FBLN2: variants seen among roughly 807,000 people sequenced by gnomAD.
The protein encoded by FBLN2 is fibulin-2.
Under a neutral mutation model 123.7 loss-of-function variants are expected in FBLN2, and 81 were observed. That is an observed-to-expected ratio of 0.65 (90% confidence interval 0.55 to 0.79). The LOEUF (loss-of-function observed/expected upper bound fraction) is 0.79. Among genes scored for constraint, FBLN2 ranks in the 30% least tolerant of loss-of-function variants. FBLN2 has a pLI of 0.00. For missense variants in FBLN2, 1,603 were observed against 1,681.3 expected (o/e 0.95, Z 0.81); for synonymous variants, 699 against 701.4 (o/e 1.00, Z 0.05).
At position 13,609,517 on chromosome 3, in the gene FBLN2, G is replaced by A; in HGVS notation, c.1423G>A (p.Ala475Thr). ...AAGTTACCCCCTCTGTTTCAGGACAGCCCAGAGGCACTGCTGTGTCTCCTA... is the reference window on the plus strand; with the variant it reads ...AAGTTACCCCCTCTGTTTCAGGACAACCCAGAGGCACTGCTGTGTCTCCTA... ...SGTEDNVCRT[A>T]QRHCCVSYLQ... Residue 475 changes from alanine to threonine, a missense_variant, in exon 4 of 18, where the codon GCC (alanine) becomes ACC (threonine). Transcript: ENST00000404922. The A allele has an allele frequency of 6.5e-7, 1 of 1,549,444 alleles. No homozygotes were observed. The highest frequency in any genetic ancestry group is 1.2e-5 in the South Asian group (1 of 83,730).
chr3:13,588,699 GA>G (rs1438890928), intron 2 of FBLN2, among the ~76,000 whole-genome samples: 1 of 152,042 alleles, frequency 6.6e-6, no homozygotes, highest in African/African-American at 2.4e-5. Context: ...ACTTCTAAGA[GA>G]AAAAAAGATC....
chr3:13,628,072 C>G, intron 11 of FBLN2, 103 bp downstream of exon 11: 1 of 1,392,110 alleles, frequency 7.2e-7, no homozygotes. Context: ...TGGCTTGCTG[C>G]TCCATTCCTC....
rs746171888 is a variant in FBLN2 at position 13,630,795 on chromosome 3, A to G, written c.3065A>G (p.Glu1022Gly). The change falls in exon 15 of 18, where the codon GAG (glutamate) becomes GGG (glycine). Residue 1022 changes from glutamate (E) to glycine (G), a missense_variant. Transcript: ENST00000404922. ...TGCCGCCAGGGCTACCAGCTGGCTG[A>G]GGATGGGCACACCTGCACAGGTACC... ...CYCRQGYQLAEDGHTCTDIDE... is the reference protein window; with the variant it reads ...CYCRQGYQLAGDGHTCTDIDE... 7 of 1,605,648 alleles carry G rather than the reference A, an allele frequency of 4.4e-6. No individual in the cohort carries two copies. The highest frequency in any genetic ancestry group is 6.0e-6 in the Non-Finnish European group (7 of 1,176,306).
Position 13,636,582 on chromosome 3 carries a change from C to CCCCAGT in FBLN2, c.3338+26_3338+31dup. The CCCCAGT allele has an allele frequency of 6.2e-7, 1 of 1,612,098 alleles. No homozygotes were observed. Among genetic ancestry groups the CCCCAGT allele is most frequent in the Non-Finnish European group, 8.5e-7 (1 of 1,179,074 alleles). On this transcript the variant is annotated intron_variant, in intron 17 of 17. Coordinates refer to ENST00000404922, the MANE Select transcript of FBLN2 (RefSeq NM_001004019.2). ...AGTCTCCAAAACGTGAGTGTCCCCA[C>CCCCAGT]CCCAGTCCCAGTCCCAGGGAGCCTG...
chr3:13,579,490 C>T (rs1287429560), intron 2 of FBLN2, among the ~76,000 whole-genome samples: 5 of 152,242 alleles, frequency 3.3e-5, no homozygotes, highest in East Asian at 1.9e-4. Flanking sequence ...AACCACTGGT[C>T]AGTGCAACTA....
intron 2 of FBLN2, among the ~76,000 whole-genome samples, chr3:13,604,682 T>C (rs1705146370): frequency 6.6e-6 from 1 of 152,242 alleles, no homozygotes. Context: ...GTGGGGGATG[T>C]GTCTAATGTT....
rs150370011 is a variant in FBLN2 at position 13,629,165 on chromosome 3, C to T, written c.2715C>T (p.Asp905=). Residue 905 remains aspartate, a splice_region_variant and synonymous_variant, in exon 13 of 18, where the codon GAC becomes GAT. Transcript: ENST00000404922. The part of the protein sequence containing the change: ...HASDDGTKCV[D]VNECETGVHR... Reference sequence around the variant, plus strand: ...AGGTACCCTGCTCACCCCCCACAGACGTGAATGAGTGTGAGACAGGTGTGC... The same window carrying T: ...AGGTACCCTGCTCACCCCCCACAGATGTGAATGAGTGTGAGACAGGTGTGC... The T allele has an allele frequency of 4.5e-5, 72 of 1,613,052 alleles. No homozygotes were observed. The highest frequency in any genetic ancestry group is 1.7e-4 in the Middle Eastern group (1 of 6,048).
chr3:13,627,005 C>T (rs992265550), intron 10 of FBLN2, among the ~76,000 whole-genome samples: 5 of 152,108 alleles, frequency 3.3e-5, no homozygotes, highest in Non-Finnish European at 7.3e-5. Context: ...CTGAGCTGCT[C>T]TTATGTGCCT....
chr3:13,610,346 G>A (rs1559417977), intron 4 of FBLN2, among the ~76,000 whole-genome samples: 4 of 152,182 alleles, frequency 2.6e-5, no homozygotes, highest in Admixed American at 6.5e-5. Context: ...GAGTTTGAGG[G>A]TCTCTTCTGG....
At chr3:13,560,836 C>T (rs1011153767) in intron 1 of FBLN2, among the ~76,000 whole-genome samples, 13 of 151,986 alleles carry the variant, frequency 8.6e-5, no homozygotes, top group East Asian at 3.9e-4. Flanking sequence ...CTTTTAGATA[C>T]GGGGTTTTGC....
chr3:13,549,550 T>C (rs1703267398), intron 1 of FBLN2, among the ~76,000 whole-genome samples: 2 of 149,318 alleles, frequency 1.3e-5, no homozygotes, highest in South Asian at 4.3e-4. Context: ...CTCCCACCAG[T>C]CATCCCCTCT....
At chr3:13,552,146 A>G (rs1165594721) in intron 1 of FBLN2, among the ~76,000 whole-genome samples, 1 of 151,712 alleles carries the variant, frequency 6.6e-6, no homozygotes, top group African/African-American at 2.4e-5. Flanking sequence ...TGGTTTGGGG[A>G]GGGGTGGGGT....
intron 16 of FBLN2, among the ~76,000 whole-genome samples, chr3:13,632,590 T>C (rs1273060867): frequency 6.6e-6 from 1 of 152,154 alleles, no homozygotes; most frequent in Non-Finnish European, 1.5e-5. Context: ...GAAAGCAGCA[T>C]AGGGCAGAGT....
rs146575408 is a variant in FBLN2, at chr3:13,561,307, T to C, written c.-41-9008T>C. On this transcript the variant is annotated intron_variant, in intron 1 of 17. Transcript: ENST00000404922. ...ACCTAGTGGTGGCCCTGCCACCCTGTTGGGACAACATCCACTAAATGTACC... is the reference window on the plus strand; with the variant it reads ...ACCTAGTGGTGGCCCTGCCACCCTGCTGGGACAACATCCACTAAATGTACC... Among the ~76,000 whole-genome samples the C allele has an allele frequency of 5.8e-3, 888 of 152,346 alleles. 13 individuals are homozygous for C. The highest frequency in any genetic ancestry group is 0.02 in the African/African-American group (828 of 41,566).
rs560433321 is a variant in FBLN2 at position 13,572,073 on chromosome 3, G to C, written c.1306+412G>C. On this transcript the variant is annotated intron_variant, in intron 2 of 17. Transcript: ENST00000404922. Reference sequence around the variant, plus strand: ...CCCCGGTGGCTGGCCTGTGGCCTAGGAGCCTAGCATGGCCACCTCTGCCAA... The same window carrying C: ...CCCCGGTGGCTGGCCTGTGGCCTAGCAGCCTAGCATGGCCACCTCTGCCAA... Among the ~76,000 whole-genome samples the C allele has an allele frequency of 3.3e-5, 5 of 152,356 alleles. 1 individual carries two copies. The South Asian group carries it at 1.0e-3, about 32-fold the overall frequency.
intron 9 of FBLN2, among the ~76,000 whole-genome samples, chr3:13,624,066 C>A (rs1214784867): frequency 2.0e-5 from 3 of 152,156 alleles, no homozygotes; most frequent in African/African-American, 7.2e-5. Context: ...TGCAGGTGGT[C>A]CAGGCTGCAA....
intron 2 of FBLN2, among the ~76,000 whole-genome samples, chr3:13,605,315 C>T (rs570326969): frequency 5.9e-5 from 9 of 152,290 alleles, no homozygotes; most frequent in African/African-American, 2.2e-4. Flanking sequence ...TCTTCTTTCT[C>T]CATTCCCATC....
chr3:13,601,889 C>T (rs1050209314), intron 2 of FBLN2, among the ~76,000 whole-genome samples: 4 of 152,208 alleles, frequency 2.6e-5, no homozygotes, highest in Non-Finnish European at 5.9e-5. Flanking sequence ...CCTCCATCTC[C>T]TGGGCTCAAG....
At chr3:13,568,444 G>A (rs1041268766) in intron 1 of FBLN2, among the ~76,000 whole-genome samples, 10 of 152,198 alleles carry the variant, frequency 6.6e-5, no homozygotes, top group Admixed American at 2.0e-4. Flanking sequence ...GTGTCTCAGC[G>A]CAGTGGGCAG....
Sources: gnomAD v4.1 joint callset for allele counts (sites outside exome capture counted in the v4.1 genomes callset) on GRCh38, gnomAD v4.1.1 for gene constraint, MANE v1.5 for transcripts, NCBI Gene and HGNC (gene_info 2026-07-23, HGNC 2026-07-21) for gene names.